OTOF: variants seen among roughly 807,000 people sequenced by gnomAD.
OTOF encodes the protein otoferlin, also known as fer-1-like family member 2.
Under a neutral mutation model 236.8 loss-of-function variants are expected in OTOF, and 218 were observed. That is an observed-to-expected ratio of 0.92 (90% CI 0.82 to 1.03). OTOF has a LOEUF of 1.03. Ranked by LOEUF, OTOF falls within the 50% of genes least tolerant of loss-of-function variation. The pLI, the probability that OTOF is intolerant of heterozygous loss-of-function variation, is 0.00. For missense variants in OTOF, 2,590 were observed against 2,694.4 expected, an observed-to-expected ratio of 0.96 and a Z score of 0.86; for synonymous variants, 1,041 against 1,072.5, an observed-to-expected ratio of 0.97 and a Z score of 0.57.
At chr2:26,536,818 GTCA>G (rs1360800702) in intron 2 of OTOF, among the ~76,000 whole-genome samples, 1 of 152,198 alleles carries the variant, frequency 6.6e-6, no homozygotes, top group East Asian at 1.9e-4. Context: ...TCACTCCAAA[GTCA>G]TCCCTGGAGA....
At position 26,463,863 on chromosome 2, in the gene OTOF, A is replaced by G. The variant is rs1572404373; in HGVS notation, c.5103+101T>C. The G allele has an allele frequency of 3.4e-6, 5 of 1,492,404 alleles. No individual in the cohort carries two copies. The East Asian group carries it at 1.1e-4, about 34-fold the overall frequency. The allele number at this position is 1,492,404 out of a possible 1,614,324, so 92.4% of individuals were successfully genotyped here. On this transcript the variant is annotated intron_variant, in intron 40 of 46. Coordinates refer to ENST00000272371, the MANE Select transcript of OTOF (RefSeq NM_194248.3). ...GTGCCTGCCAGGCTTTCTGGAATGC[A>G]GCGGACAGCGTGAGGCCTGGCTTCT... is the stretch of plus-strand genomic sequence containing the variant.
At chr2:26,537,149 C>T (rs951882956) in intron 2 of OTOF, among the ~76,000 whole-genome samples, 1 of 152,254 alleles carries the variant, frequency 6.6e-6, no homozygotes, top group East Asian at 1.9e-4. Context: ...TCTCATGGAA[C>T]CCCCAGAGCT....
intron 2 of OTOF, among the ~76,000 whole-genome samples, 194 bp downstream of exon 2, chr2:26,537,522 G>T (rs949493432): frequency 5.9e-5 from 9 of 152,208 alleles, no homozygotes; most frequent in Non-Finnish European, 4.4e-5. Flanking sequence ...AGAGGTTTCT[G>T]GGGGGAACAT....
intron 1 of OTOF, among the ~76,000 whole-genome samples, chr2:26,549,091 T>C (rs996260897): frequency 1.3e-5 from 2 of 152,250 alleles, no homozygotes; most frequent in Admixed American, 6.5e-5. Context: ...GTATTTTCAT[T>C]ATAATTCAGT....
Position 26,480,233 on chromosome 2 carries a change from C to G in OTOF, c.1882G>C (p.Asp628His). The G allele has an allele frequency of 6.2e-7, 1 of 1,612,748 alleles. No homozygotes were observed. The highest frequency in any genetic ancestry group is 8.5e-7 in the Non-Finnish European group (1 of 1,179,336). The change falls in exon 16 of 47, where the codon GAC becomes CAC. Residue 628 changes from aspartate to histidine, a missense_variant. By Grantham distance (81) the Asp-to-His change is moderately conservative (BLOSUM62 -1). Transcript: ENST00000272371. ...EASMIDRRNG[D>H]KPITFEVTIG... ...GTGACCTCAAAGGTGATGGGCTTGT[C>G]TCCGTTTCTCCGGTCGATCATTGAG...
intron 2 of OTOF, among the ~76,000 whole-genome samples, chr2:26,535,962 CT>C: frequency 6.6e-6 from 1 of 152,352 alleles, no homozygotes; most frequent in East Asian, 1.9e-4. Context: ...AGGTTGCCCC[CT>C]GGCTGAACGC....
chr2:26,497,749 A>G (rs1666024888), intron 8 of OTOF, among the ~76,000 whole-genome samples: 2 of 152,210 alleles, frequency 1.3e-5, no homozygotes, highest in African/African-American at 4.8e-5. Flanking sequence ...GACGGAAGTA[A>G]AAGCTTAGAA....
intron 9 of OTOF, among the ~76,000 whole-genome samples, chr2:26,490,348 C>T (rs1665809831): frequency 6.6e-6 from 1 of 152,206 alleles, no homozygotes; most frequent in Admixed American, 6.5e-5. Context: ...ATAACGCAAG[C>T]CTCAGAGCAG....
intron 5 of OTOF, among the ~76,000 whole-genome samples, chr2:26,504,078 C>A (rs1666187578): frequency 6.6e-6 from 1 of 152,092 alleles, no homozygotes; most frequent in Non-Finnish European, 1.5e-5. Flanking sequence ...CTTTCACACA[C>A]GGAGGAGAGG....
rs73923717 is a variant in OTOF, at chr2:26,538,623, C to T, written c.80-849G>A. Among the ~76,000 whole-genome samples the T allele has an allele frequency of 5.9e-3, 899 of 152,226 alleles. 8 individuals are homozygous for T. The highest frequency in any genetic ancestry group is 0.021 in the African/African-American group (865 of 41,524). On this transcript the variant is annotated intron_variant, in intron 1 of 46. Coordinates refer to ENST00000272371, the MANE Select transcript of OTOF (RefSeq NM_194248.3). ...CGAGGGCAGGTCGAGGGGGCTCCAT[C>T]GTGTGGGAAACACCAGCTAGTTCAG... is the stretch of plus-strand genomic sequence containing the variant.
intron 3 of OTOF, 58 bp from the exon 4 acceptor site, chr2:26,519,167 G>T: frequency 8.7e-7 from 1 of 1,148,704 alleles, no homozygotes; most frequent in Non-Finnish European, 1.3e-6. Context: ...TGAGGAGCAA[G>T]ACTGACATCC....
chr2:26,466,337 TTC>T, intron 36 of OTOF: 2 of 554,526 alleles, frequency 3.6e-6, no homozygotes, highest in East Asian at 3.2e-5. Context: ...CAGCTTCTTC[TTC>T]TTTTTTTTTT....
At position 26,461,766 on chromosome 2, in the gene OTOF, C is replaced by T. The variant is rs1343003822; in HGVS notation, c.5463G>A (p.Glu1821=). 6.2e-7 allele frequency: 1 copy of T among 1,614,184 alleles called. No homozygotes were observed. Among genetic ancestry groups the T allele is most frequent in the Admixed American group, 1.7e-5 (1 of 60,030 alleles). The change falls in exon 43 of 47, where the codon GAG becomes GAA. Residue 1821 remains glutamate, a synonymous_variant. Transcript: ENST00000272371. The surrounding 1 kb of genome is among the most constrained non-coding windows in gnomAD (Gnocchi z 6.2). ...GGGTGAGCCGCGCGGGGATCTTGTA[C>T]TCGGTCTCGTCCCAGGAGAACATGG... ...KESMFSWDET[E]YKIPARLTLQ...
At chr2:26,537,857 C>G in intron 1 of OTOF, 83 bp from the exon 2 acceptor site, 1 of 1,022,050 alleles carries the variant, frequency 9.8e-7, no homozygotes. Context: ...TCCTGGGAGT[C>G]GTCCTAACAG....
Position 26,473,936 on chromosome 2 carries a change from C to G in OTOF, c.3408+55G>C, listed in dbSNP as rs1430972572. On this transcript the variant is annotated intron_variant, in intron 27 of 46. Transcript: ENST00000272371. The surrounding 1 kb of genome is among the most constrained non-coding windows in gnomAD (Gnocchi z 7.2). ...AGGGGGATGACAAGCCACTTCCCCTCCTGGGTCCTCAGACTCCTCATCCAA... is the reference window on the plus strand; with the variant it reads ...AGGGGGATGACAAGCCACTTCCCCTGCTGGGTCCTCAGACTCCTCATCCAA... The G allele has an allele frequency of 1.2e-6, 2 of 1,610,336 alleles. No individual in the cohort carries two copies. Among genetic ancestry groups the G allele is most frequent in the Non-Finnish European group, 8.5e-7 (1 of 1,178,060 alleles).
chr2:26,479,252 C>A lies in OTOF; in HGVS notation c.2214+12G>T. On this transcript the variant is annotated intron_variant, in intron 18 of 46. Coordinates refer to ENST00000272371, the MANE Select transcript of OTOF (RefSeq NM_194248.3). ...GGACCCCACCCCTGCTGGCCCCTGG[C>A]CTGGCCCTGACCAGCTTGTCGGCAA... 1 of 1,612,302 alleles carries A rather than the reference C, an allele frequency of 6.2e-7. No individual in the cohort carries two copies.
At chr2:26,501,632 C>T (rs1666117182) in intron 8 of OTOF, 122 bp downstream of exon 8, 1 of 728,170 alleles carries the variant, frequency 1.4e-6, no homozygotes, top group Admixed American at 2.1e-5. Flanking sequence ...AACTTATATT[C>T]AGCTTGTTGT....
intron 1 of OTOF, among the ~76,000 whole-genome samples, chr2:26,548,046 A>C (rs1667375489): frequency 6.6e-6 from 1 of 152,112 alleles, no homozygotes; most frequent in Admixed American, 6.5e-5. Flanking sequence ...TATTCATTTC[A>C]TCTGAGTTGT....
In OTOF at chr2:26,466,151, G is replaced by T. The variant is rs1462541582; in HGVS notation, c.4501-75C>A. 4 of 1,588,960 alleles carry T rather than the reference G, an allele frequency of 2.5e-6. No homozygotes were observed. The African/African-American group carries it at 5.4e-5, about 21-fold the overall frequency. On this transcript the variant is annotated intron_variant, in intron 36 of 46. Transcript: ENST00000272371. ...CTTCAGTGCCCCTGCCAGGCTGCCT[G>T]AGGGTCCTATGACAGTGAAGGGCAG...
Sources: allele counts gnomAD v4.1 joint callset (sites outside exome capture counted in the v4.1 genomes callset), GRCh38; gene constraint gnomAD v4.1.1; non-coding constraint Gnocchi (gnomAD v3.1); transcripts MANE v1.5; gene names NCBI Gene and HGNC (gene_info 2026-07-23, HGNC 2026-07-21).